The following MTARC2 variants were observed in gnomAD, a reference collection of about 807,000 sequenced individuals.
MTARC2 encodes the protein mitochondrial amidoxime reducing component 2.
In MTARC2, 27 loss-of-function variants were observed where a neutral mutation model predicts 35.6. The observed-to-expected ratio is 0.76, with a 90% CI of 0.56 to 1.04. MTARC2 has a LOEUF of 1.04. Ranked by LOEUF, MTARC2 falls within the 50% of genes least tolerant of loss-of-function variation. The pLI is 0.00. For missense variants in MTARC2, 412 were observed against 432.5 expected, an observed-to-expected ratio of 0.95 and a Z score of 0.42; for synonymous variants, 158 against 167.1, an observed-to-expected ratio of 0.95 and a Z score of 0.42.
chr1:220,777,220 C>T (rs992300312), intron 4 of MTARC2, among the ~76,000 whole-genome samples: 4 of 152,208 alleles, frequency 2.6e-5, no homozygotes, highest in East Asian at 3.9e-4. Context: ...GAACCCAGTG[C>T]ATCCATGGAG....
chr1:220,748,507 G>C lies in MTARC2; in HGVS notation c.-25G>C. Reference sequence around the variant, plus strand: ...CCGGTCGCTGCCGGGTCTGTGCGCCGGTCCGCGCCCGCCCTCGCTCTGCCA... The same window carrying C: ...CCGGTCGCTGCCGGGTCTGTGCGCCCGTCCGCGCCCGCCCTCGCTCTGCCA... On this transcript the variant is annotated 5_prime_UTR_variant, in exon 1 of 8. Transcript: ENST00000366913. 7 of 1,374,870 alleles carry C rather than the reference G, an allele frequency of 5.1e-6. No homozygotes were observed. The highest frequency in any genetic ancestry group is 1.5e-5 in the African/African-American group (1 of 65,278). 85.2% of individuals were successfully genotyped at this position (1,374,870 alleles called of 1,614,324 possible).
chr1:220,767,815 G>A (rs781597045), intron 4 of MTARC2, among the ~76,000 whole-genome samples: 13 of 152,196 alleles, frequency 8.5e-5, no homozygotes, highest in Non-Finnish European at 1.9e-4. Context: ...AACAGCTGTG[G>A]TTGGACTCTG....
intron 4 of MTARC2, among the ~76,000 whole-genome samples, chr1:220,772,653 A>T (rs1430888685): frequency 6.6e-6 from 1 of 151,694 alleles, no homozygotes; most frequent in Non-Finnish European, 1.5e-5. Context: ...GACTTGAAGG[A>T]TCCCAGTGAG....
chr1:220,780,023 C>G lies in MTARC2; in HGVS notation c.756C>G (p.Thr252=), dbSNP rs1490940187. Residue 252 remains threonine, a synonymous_variant, in exon 5 of 8, where the codon ACC becomes ACG. Coordinates refer to ENST00000366913, the MANE Select transcript of MTARC2 (RefSeq NM_017898.5). ...VTGCDAFEED[T]WDELLIGSVE... is the part of the protein sequence containing the mutation. ...AACTTTCTCTTTTCTCTTAGGATAC[C>G]TGGGATGAACTCCTAATTGGTAGTG... is the stretch of plus-strand genomic sequence containing the variant. 5.2e-6 allele frequency: 8 copies of G among 1,531,376 alleles called. No homozygotes were observed. The highest frequency in any genetic ancestry group is 6.1e-6 in the Non-Finnish European group (7 of 1,150,408). 94.9% of individuals were successfully genotyped at this position (1,531,376 alleles called of 1,614,324 possible).
At chr1:220,758,736 G>C (rs2102548432) in intron 2 of MTARC2, among the ~76,000 whole-genome samples, 1 of 152,226 alleles carries the variant, frequency 6.6e-6, no homozygotes, top group East Asian at 1.9e-4. Flanking sequence ...TGTCTTAAAA[G>C]GTGAAGCTAA....
At chr1:220,774,772 T>C (rs1048511526) in intron 4 of MTARC2, among the ~76,000 whole-genome samples, 4 of 152,198 alleles carry the variant, frequency 2.6e-5, no homozygotes, top group Non-Finnish European at 5.9e-5. Flanking sequence ...ACTTCTGTGG[T>C]CAGCTGGTAT....
At chr1:220,774,558 C>T (rs1671839081) in intron 4 of MTARC2, among the ~76,000 whole-genome samples, 1 of 152,210 alleles carries the variant, frequency 6.6e-6, no homozygotes, top group South Asian at 2.1e-4. Context: ...AAGTGAGGCG[C>T]CAGTCCTGCG....
At position 220,761,670 on chromosome 1, in the gene MTARC2, T is replaced by C. The variant is rs750094154; in HGVS notation, c.459T>C (p.Leu153=). 3.1e-6 allele frequency: 5 copies of C among 1,610,748 alleles called. No homozygotes were observed. The South Asian group carries it at 5.5e-5, about 18-fold the overall frequency. Residue 153 remains leucine, a synonymous_variant, in exon 3 of 8, where the codon CTT becomes CTC. Transcript: ENST00000366913. The stretch of plus-strand genomic sequence containing the variant: ...GTGACCTTTCCAGGATATTTGGCCT[T>C]GACATTAAAGGCAGAGACTGTGGCA... ...NKLHNCRIFG[L]DIKGRDCGNE...
rs1479271440 is a variant in MTARC2 at position 220,784,078 on chromosome 1, G to A, written c.*191G>A. 3.2e-6 allele frequency: 2 copies of A among 634,094 alleles called. No individual in the cohort carries two copies. Among genetic ancestry groups the A allele is most frequent in the East Asian group, 2.8e-5 (1 of 36,118 alleles). 39.3% of individuals were successfully genotyped at this position (634,094 alleles called of 1,614,324 possible). A position where few individuals can be genotyped will look rare whatever the true frequency, so the allele number is the denominator to read the frequency against. On this transcript the variant is annotated 3_prime_UTR_variant, in exon 8 of 8. Coordinates refer to ENST00000366913, the MANE Select transcript of MTARC2 (RefSeq NM_017898.5). ...TATGCTCCAGGTTAATGCAAGGAAA[G>A]TATTAGAGGGGGGAATATGAAAGTA... is the stretch of plus-strand genomic sequence containing the variant.
chr1:220,761,942 T>C, intron 3 of MTARC2, 122 bp downstream of exon 3: 1 of 924,908 alleles, frequency 1.1e-6, no homozygotes, highest in African/African-American at 1.7e-5. Context: ...ATGGCCCTGG[T>C]GAGTGATAAT....
chr1:220,748,752 GC>G lies in MTARC2; in HGVS notation c.222del (p.Ser74ArgfsTer22). Reference protein sequence around the residue: ...PVKSCKGVPVSEAECTAMGLR... With the variant: ...PVKSCKGVPVXEAECTAMGLR... ...AAATCCTGCAAAGGGGTGCCGGTGA[GC>G]GAGGCTGAGTGCACGGCCATGGGGC... is the stretch of plus-strand genomic sequence containing the variant. On this transcript the variant is annotated frameshift_variant, in exon 1 of 8. Coordinates refer to ENST00000366913, the MANE Select transcript of MTARC2 (RefSeq NM_017898.5). LOFTEE classifies it high-confidence loss of function. 2.5e-6 allele frequency: 4 copies of G among 1,600,262 alleles called. No homozygotes were observed. The highest frequency in any genetic ancestry group is 3.4e-6 in the Non-Finnish European group (4 of 1,173,706).
rs757404760 is a variant in MTARC2, at chr1:220,748,722, C to A, written c.191C>A (p.Pro64Gln). Reference protein sequence around the residue: ...VGTVAKLWIYPVKSCKGVPVS... With the variant: ...VGTVAKLWIYQVKSCKGVPVS... ...ACCGTGGCGAAGCTCTGGATCTACC[C>A]GGTGAAATCCTGCAAAGGGGTGCCG... Residue 64 changes from proline to glutamine, a missense_variant, in exon 1 of 8, where the codon CCG becomes CAG. Pro to Gln is a moderately conservative substitution (Grantham distance 76). Transcript: ENST00000366913. 1.3e-6 allele frequency: 2 copies of A among 1,599,640 alleles called. No homozygotes were observed. The highest frequency in any genetic ancestry group is 2.3e-5 in the East Asian group (1 of 43,884).
chr1:220,768,642 G>A (rs12049111), intron 4 of MTARC2, among the ~76,000 whole-genome samples: 2,024 of 152,220 alleles, frequency 0.013, 32 homozygotes, highest in East Asian at 0.062. Flanking sequence ...GGGCTGGGGG[G>A]TCATGGGTGT....
intron 6 of MTARC2, among the ~76,000 whole-genome samples, chr1:220,780,455 T>G (rs1189475208): frequency 1.5e-5 from 1 of 68,566 alleles, no homozygotes; most frequent in Non-Finnish European, 2.5e-5. Flanking sequence ...TGGATAAACT[T>G]TTTTTTTTTT....
At chr1:220,750,413 A>T (rs2102539568) in intron 1 of MTARC2, among the ~76,000 whole-genome samples, 2 of 152,280 alleles carry the variant, frequency 1.3e-5, no homozygotes, top group East Asian at 3.9e-4. Context: ...GTTTCCTCTG[A>T]TCACCTGAAG....
At chr1:220,766,109 C>A (rs943539663) in intron 4 of MTARC2, among the ~76,000 whole-genome samples, 1 of 151,922 alleles carries the variant, frequency 6.6e-6, no homozygotes, top group East Asian at 1.9e-4. Flanking sequence ...AAGAGGCCCC[C>A]GACGTACTCA....
intron 1 of MTARC2, among the ~76,000 whole-genome samples, chr1:220,751,766 T>A (rs949690537): frequency 2.9e-4 from 44 of 152,340 alleles, no homozygotes; most frequent in Admixed American, 2.4e-3. Flanking sequence ...CACATACTCA[T>A]GTTTTACCTG....
Position 220,780,006 on chromosome 1 carries a change from C to A in MTARC2, c.751-12C>A. 1 of 1,527,758 alleles carries A rather than the reference C, an allele frequency of 6.5e-7. No homozygotes were observed. Among genetic ancestry groups the A allele is most frequent in the South Asian group, 1.3e-5 (1 of 74,470 alleles). 94.6% of individuals were successfully genotyped at this position (1,527,758 alleles called of 1,614,324 possible). A position where few individuals can be genotyped will look rare whatever the true frequency, so the allele number is the denominator to read the frequency against. On this transcript the variant is annotated splice_polypyrimidine_tract_variant and intron_variant, in intron 4 of 7. Coordinates refer to ENST00000366913, the MANE Select transcript of MTARC2 (RefSeq NM_017898.5). ...GCCACCATTTAAAAGATAACTTTCT[C>A]TTTTCTCTTAGGATACCTGGGATGA... is the stretch of plus-strand genomic sequence containing the variant.
At chr1:220,773,504 T>A (rs1012222479) in intron 4 of MTARC2, among the ~76,000 whole-genome samples, 8 of 152,148 alleles carry the variant, frequency 5.3e-5, no homozygotes, top group African/African-American at 1.9e-4. Context: ...AGGAGGGGAT[T>A]GTGGGTACCC....
Sources: gnomAD v4.1 joint callset for allele counts (sites outside exome capture counted in the v4.1 genomes callset) on GRCh38, gnomAD v4.1.1 for gene constraint, MANE v1.5 for transcripts, NCBI Gene and HGNC (gene_info 2026-07-23, HGNC 2026-07-21) for gene names.